Variants in TENM2 observed in about 807,000 individuals in gnomAD.
The protein encoded by TENM2 is teneurin transmembrane protein 2, also known as teneurin-2.
In TENM2, 52 loss-of-function variants were observed where a neutral mutation model predicts 245.2. That is an observed-to-expected ratio of 0.21 (90% CI 0.17 to 0.27). The LOEUF is 0.27. TENM2 is among the 10% of genes least tolerant of loss of function. The pLI, the probability that TENM2 is intolerant of heterozygous loss-of-function variation, is 1.00. For missense variants in TENM2, 3,046 were observed against 3,666.8 expected, an observed-to-expected ratio of 0.83 and a Z score of 4.37; for synonymous variants, 1,363 against 1,438.9, an observed-to-expected ratio of 0.95 and a Z score of 1.19.
chr5:167,294,770 T>G (rs1378695357), intron 1 of TENM2, among the ~76,000 whole-genome samples: 1 of 152,210 alleles, frequency 6.6e-6, no homozygotes. Context: ...CGTTTCTGCC[T>G]TCTGTCTTAC....
chr5:168,178,810 G>A (rs1186476252), intron 13 of TENM2, among the ~76,000 whole-genome samples: 1 of 152,116 alleles, frequency 6.6e-6, no homozygotes, highest in Non-Finnish European at 1.5e-5. Context: ...AAGAGGCTTT[G>A]GAGGAGGCTG....
In TENM2 at chr5:167,289,935, T is replaced by G. The variant is rs889590802; in HGVS notation, c.226+4872T>G. 2.0e-5 allele frequency among the ~76,000 whole-genome samples: 3 copies of G among 152,196 alleles called. No individual in the cohort carries two copies. In the South Asian group the frequency reaches 6.2e-4, roughly 31 times the overall value. ...TTTAATTTACCTACAAAGAATACCT[T>G]GTAGATGTTAGTAAAGTTCAAGAGT... is the stretch of plus-strand genomic sequence containing the variant. On this transcript the variant is annotated intron_variant, in intron 1 of 28. Transcript: ENST00000518659.
intron 25 of TENM2, among the ~76,000 whole-genome samples, chr5:168,241,804 T>A (rs1766126557): frequency 6.6e-6 from 1 of 152,168 alleles, no homozygotes; most frequent in Non-Finnish European, 1.5e-5. Flanking sequence ...TGCCAAAGTA[T>A]CAGGGGCTTG....
At chr5:167,482,596 T>C (rs910343835) in intron 2 of TENM2, among the ~76,000 whole-genome samples, 1 of 152,168 alleles carries the variant, frequency 6.6e-6, no homozygotes. Flanking sequence ...ACACATCCTT[T>C]TGGGTAAGTC....
chr5:168,149,726 C>G (rs911764240), intron 12 of TENM2, among the ~76,000 whole-genome samples: 1 of 152,186 alleles, frequency 6.6e-6, no homozygotes, highest in African/African-American at 2.4e-5. Flanking sequence ...TCAGGCCACT[C>G]CTCTGCTCAA....
chr5:168,222,679 A>G (rs1473382847), intron 23 of TENM2, among the ~76,000 whole-genome samples: 1 of 152,174 alleles, frequency 6.6e-6, no homozygotes, highest in African/African-American at 2.4e-5. Flanking sequence ...GTATTCCTGA[A>G]AAGAACAGTA....
intron 25 of TENM2, among the ~76,000 whole-genome samples, chr5:168,239,355 T>C (rs1366054519): frequency 1.3e-5 from 2 of 152,206 alleles, no homozygotes; most frequent in Non-Finnish European, 2.9e-5. Flanking sequence ...AAACCTGTGC[T>C]ATCAAAAAAT....
chr5:167,235,960 A>G, the TENM2 span, among the ~76,000 whole-genome samples: 2 of 152,188 alleles, frequency 1.3e-5, no homozygotes, highest in African/African-American at 4.8e-5. Context: ...TGCAGGCAGG[A>G]AGAAGGGTGA....
intron 7 of TENM2, among the ~76,000 whole-genome samples, chr5:168,086,542 G>A (rs1792472996): frequency 1.3e-5 from 2 of 152,124 alleles, no homozygotes; most frequent in African/African-American, 2.4e-5. Context: ...CATCCTCTGG[G>A]TGGCTGCAAG....
intron 2 of TENM2, among the ~76,000 whole-genome samples, chr5:167,414,236 C>A (rs2127410448): frequency 6.6e-6 from 1 of 152,222 alleles, no homozygotes; most frequent in East Asian, 1.9e-4. Flanking sequence ...AAGGCAATTA[C>A]ATGGAATTTT....
exon 6 of TENM2, chr5:168,047,438 C>T: frequency 6.4e-7 from 1 of 1,551,706 alleles, no homozygotes; most frequent in Non-Finnish European, 8.7e-7. Context: ...AATGCATCTG[C>T]TCGGACTCAA....
the TENM2 span, among the ~76,000 whole-genome samples, chr5:167,088,743 GTTTA>G: frequency 3.3e-5 from 5 of 152,084 alleles, no homozygotes; most frequent in African/African-American, 1.2e-4. Flanking sequence ...AACTACTGCC[GTTTA>G]TTTAGTGTTT....
At chr5:167,380,235 G>A (rs936643883) in intron 2 of TENM2, among the ~76,000 whole-genome samples, 2 of 152,058 alleles carry the variant, frequency 1.3e-5, no homozygotes, top group Admixed American at 6.5e-5. Context: ...TTATTCATGG[G>A]AGTCTTAATA....
chr5:167,663,718 T>C (rs2150331166), intron 2 of TENM2, among the ~76,000 whole-genome samples: 1 of 152,224 alleles, frequency 6.6e-6, no homozygotes, highest in African/African-American at 2.4e-5. Context: ...CATATTTTAA[T>C]CTCTGTGTCT....
intron 5 of TENM2, among the ~76,000 whole-genome samples, chr5:168,018,207 T>C (rs1410221084): frequency 6.6e-6 from 1 of 152,188 alleles, no homozygotes; most frequent in Non-Finnish European, 1.5e-5. Context: ...TTTCTCCCTA[T>C]TCCTCTTCTC....
chr5:167,946,691 G>A (rs1208306490), intron 3 of TENM2, among the ~76,000 whole-genome samples: 1 of 152,164 alleles, frequency 6.6e-6, no homozygotes, highest in Non-Finnish European at 1.5e-5. Context: ...GGGAGGGGAA[G>A]AGACCTGGGA....
chr5:167,860,387 C>A (rs1433924083), intron 2 of TENM2, among the ~76,000 whole-genome samples: 8 of 91,434 alleles, frequency 8.7e-5, no homozygotes, highest in African/African-American at 3.6e-4. Context: ...GCCCCCCGCC[C>A]GGCCAGCCGC....
At chr5:168,225,490 G>A (rs767094466) in intron 23 of TENM2, among the ~76,000 whole-genome samples, 71 of 152,322 alleles carry the variant, frequency 4.7e-4, no homozygotes, top group Non-Finnish European at 7.5e-4. Flanking sequence ...GGCCAAGTGC[G>A]TGGCTCACGC....
intron 2 of TENM2, among the ~76,000 whole-genome samples, chr5:167,532,586 C>T (rs1771578561): frequency 6.6e-6 from 1 of 151,856 alleles, no homozygotes; most frequent in Non-Finnish European, 1.5e-5. Flanking sequence ...AGGGGAAAGA[C>T]CTGCCCCCAT....
Sources: gnomAD v4.1 joint callset for allele counts (sites outside exome capture counted in the v4.1 genomes callset) on GRCh38, gnomAD v4.1.1 for gene constraint, MANE v1.5 for transcripts, NCBI Gene and HGNC (gene_info 2026-07-23, HGNC 2026-07-21) for gene names.